Variants in IGSF10 observed in about 807,000 individuals in gnomAD.
IGSF10 encodes calvaria mechanical force protein 608.
Under a neutral mutation model 128.2 loss-of-function variants are expected in IGSF10, and 126 were observed. The ratio of observed to expected loss-of-function variants is 0.98; its 90% CI spans 0.85 to 1.14. The LOEUF is 1.14. Among genes scored for constraint, IGSF10 ranks in the 50% most tolerant of loss-of-function variants. The pLI is 0.00. For synonymous variants in IGSF10, 1,185 were observed against 1,146.2 expected (o/e 1.03, Z -0.68); for missense variants, 3,295 against 3,149.8 (o/e 1.05, Z -1.10).
downstream of IGSF10, chr3:151,432,594 T>TCCCA: frequency 1.8e-6 from 1 of 559,764 alleles, no homozygotes; most frequent in Non-Finnish European, 3.2e-6. Context: ...GGTACTTGAA[T>TCCCA]CCCACCACAA....
Position 151,446,390 on chromosome 3 carries a change from C to G in IGSF10, c.3591G>C (p.Arg1197Ser), listed in dbSNP as rs747276812. Reference sequence around the variant, plus strand: ...GCCAGGGAATTTTCCTTCTTGAAAACCTTGTAATGGCTATAATAGTCATTG... The same window carrying G: ...GCCAGGGAATTTTCCTTCTTGAAAAGCTTGTAATGGCTATAATAGTCATTG... ...KPPMTIIAIT[R>S]FSRRKIPWQQ... The change falls in exon 6 of 8, where the codon AGG becomes AGC. Residue 1197 changes from arginine to serine, a missense_variant. Physicochemically the swap from Arg to Ser is moderately radical, Grantham distance 110. Coordinates refer to ENST00000282466, the MANE Select transcript of IGSF10 (RefSeq NM_178822.5). 2.9e-5 allele frequency: 46 copies of G among 1,613,112 alleles called. No homozygotes were observed. Among genetic ancestry groups the G allele is most frequent in the Non-Finnish European group, 3.9e-5 (46 of 1,179,314 alleles).
chr3:151,535,381 CTCACTTA>C, the IGSF10 span, among the ~76,000 whole-genome samples: 3 of 152,170 alleles, frequency 2.0e-5, no homozygotes, highest in Non-Finnish European at 4.4e-5. Flanking sequence ...TAATATACTT[CTCACTTA>C]TAAGTGGGAA....
chr3:151,467,972 G>A, the IGSF10 span, among the ~76,000 whole-genome samples: 1 of 152,054 alleles, frequency 6.6e-6, no homozygotes, highest in African/African-American at 2.4e-5. Flanking sequence ...TCTGCAAAAA[G>A]TTGATTAGTC....
the IGSF10 span, among the ~76,000 whole-genome samples, chr3:151,520,172 A>G: frequency 6.6e-6 from 1 of 151,710 alleles, no homozygotes; most frequent in South Asian, 2.1e-4. Context: ...ATTTTATTTT[A>G]TTGATATATT....
At chr3:151,504,097 TTA>T in the IGSF10 span, among the ~76,000 whole-genome samples, 2 of 152,130 alleles carry the variant, frequency 1.3e-5, no homozygotes, top group African/African-American at 2.4e-5. Context: ...TTTGTTAATC[TTA>T]TAGAGGTGGT....
upstream of IGSF10, chr3:151,461,115 C>T (rs1325626861): frequency 3.0e-6 from 3 of 985,238 alleles, no homozygotes; most frequent in Non-Finnish European, 3.6e-6. Flanking sequence ...GGGGACGCGG[C>T]CGGGGCTCAG....
chr3:151,556,839 G>C, the IGSF10 span, among the ~76,000 whole-genome samples: 1 of 152,078 alleles, frequency 6.6e-6, no homozygotes, highest in African/African-American at 2.4e-5. Flanking sequence ...AATGCCTTGG[G>C]ATCCTGTCTG....
chr3:151,450,997 T>C (rs1175695182), intron 5 of IGSF10, among the ~76,000 whole-genome samples: 2 of 151,038 alleles, frequency 1.3e-5, no homozygotes, highest in Non-Finnish European at 2.9e-5. Context: ...TAAGACAACA[T>C]GGCAGACTTC....
At chr3:151,587,713 T>C in the IGSF10 span, among the ~76,000 whole-genome samples, 2 of 152,242 alleles carry the variant, frequency 1.3e-5, no homozygotes, top group Admixed American at 1.3e-4. Flanking sequence ...TTCCCACATG[T>C]CATGGGAGTA....
the IGSF10 span, among the ~76,000 whole-genome samples, chr3:151,547,877 A>G: frequency 1.3e-5 from 2 of 152,182 alleles, no homozygotes; most frequent in African/African-American, 2.4e-5. Context: ...AATGGCATCA[A>G]TCCCTCACTA....
chr3:151,471,210 C>T, the IGSF10 span, among the ~76,000 whole-genome samples: 4 of 152,174 alleles, frequency 2.6e-5, no homozygotes, highest in Admixed American at 6.5e-5. Context: ...TACTTTGCTA[C>T]TCATTCACCT....
the IGSF10 span, among the ~76,000 whole-genome samples, chr3:151,500,376 A>C: frequency 6.6e-6 from 1 of 152,148 alleles, no homozygotes; most frequent in Non-Finnish European, 1.5e-5. Flanking sequence ...ATTTTTTTGA[A>C]TTCTGAAGAA....
chr3:151,579,227 G>T, the IGSF10 span, among the ~76,000 whole-genome samples: 1 of 152,166 alleles, frequency 6.6e-6, no homozygotes. Flanking sequence ...TGCATTAAAT[G>T]TGTAGTATAA....
At chr3:151,499,924 T>G in the IGSF10 span, 1 of 151,922 alleles carries the variant, frequency 6.6e-6, no homozygotes, top group Non-Finnish European at 1.5e-5. Flanking sequence ...ACTTGGTGTT[T>G]TAGATTTTGG....
the IGSF10 span, among the ~76,000 whole-genome samples, chr3:151,492,424 C>T: frequency 1.3e-5 from 2 of 152,154 alleles, no homozygotes; most frequent in South Asian, 4.1e-4. Context: ...TAGACTGGTT[C>T]AGCTATTATG....
At chr3:151,479,307 A>T in the IGSF10 span, among the ~76,000 whole-genome samples, 6 of 152,198 alleles carry the variant, frequency 3.9e-5, no homozygotes, top group Non-Finnish European at 7.4e-5. Flanking sequence ...ACTCCTGCAC[A>T]TATTGAAAAC....
In IGSF10 at chr3:151,437,409, T is replaced by C. The variant is rs141741834; in HGVS notation, c.7152A>G (p.Gln2384=). The C allele has an allele frequency of 7.6e-4, 1,227 of 1,614,166 alleles. 11 individuals carry two copies. In the African/African-American group the frequency reaches 0.015, roughly 19 times the overall value. ...PNGTRFSNGP[Q]SYQYLIASNG... is the part of the protein sequence containing the mutation. ...TGCTTGCTATCAGATACTGATAACT[T>C]TGTGGTCCATTGGAAAATCGTGTGC... is the stretch of plus-strand genomic sequence containing the variant. The change falls in exon 8 of 8, where the codon CAA becomes CAG. Residue 2384 remains glutamine, a synonymous_variant. Coordinates refer to ENST00000282466, the MANE Select transcript of IGSF10 (RefSeq NM_178822.5).
rs1194102586 is a variant in IGSF10 at position 151,443,288 on chromosome 3, A to G, written c.5659T>C (p.Leu1887=). Residue 1887 remains leucine (L), a synonymous_variant, in exon 7 of 8, where the codon TTA becomes CTA. Coordinates refer to ENST00000282466, the MANE Select transcript of IGSF10 (RefSeq NM_178822.5). The part of the protein sequence containing the change: ...VLSDGTEVKP[L]QFTNSKLFLF... ...AACAACTTGGAATTGGTAAACTGTA[A>G]TGGTTTCACTTCAGTGCCATCAGAG... is the stretch of plus-strand genomic sequence containing the variant. 2.5e-6 allele frequency: 4 copies of G among 1,613,452 alleles called. No homozygotes were observed. In the African/African-American group the frequency reaches 4.0e-5, roughly 16 times the overall value.
the IGSF10 span, among the ~76,000 whole-genome samples, chr3:151,594,870 T>C: frequency 6.6e-6 from 1 of 151,880 alleles, no homozygotes. Flanking sequence ...TTTATCAAAG[T>C]ATTGCATATA....
Sources: allele counts gnomAD v4.1 joint callset (sites outside exome capture counted in the v4.1 genomes callset), GRCh38; gene constraint gnomAD v4.1.1; transcripts MANE v1.5; gene names NCBI Gene and HGNC (gene_info 2026-07-23, HGNC 2026-07-21).